CDH2: variants seen among roughly 807,000 people sequenced by gnomAD.
The protein encoded by CDH2 is cadherin 2.
A neutral mutation model predicts 92.0 loss-of-function variants in CDH2; 17 were observed. The observed-to-expected ratio is 0.18, with a 90% confidence interval of 0.13 to 0.28. The LOEUF is 0.28. Among genes scored for constraint, CDH2 ranks in the 10% least tolerant of loss-of-function variants. CDH2 has a pLI of 1.00. For synonymous variants in CDH2, 419 were observed against 415.9 expected, an observed-to-expected ratio of 1.01 and a Z score of -0.09; for missense variants, 862 against 1,133.1, an observed-to-expected ratio of 0.76 and a Z score of 3.44.
chr18:28,176,883 C>T (rs1206806063), intron 1 of CDH2, 80 bp downstream of exon 1: 8 of 811,624 alleles, frequency 9.9e-6, no homozygotes, highest in Non-Finnish European at 1.2e-5. Context: ...CCCGGCCCCG[C>T]AGCGGCGCGG....
At chr18:27,993,474 TTG>T in intron 8 of CDH2, 24 bp downstream of exon 8, 1 of 1,604,008 alleles carries the variant, frequency 6.2e-7, no homozygotes, top group South Asian at 1.1e-5. Context: ...AGACCCAAAG[TTG>T]TGTGAGTGAC....
intron 2 of CDH2, among the ~76,000 whole-genome samples, chr18:28,112,349 C>A (rs2015427075): frequency 6.6e-6 from 1 of 152,078 alleles, no homozygotes; most frequent in African/African-American, 2.4e-5. Flanking sequence ...GATGTCTTGC[C>A]CACAGAATTC....
chr18:28,044,640 TTAAAAA>T (rs2014033689), intron 2 of CDH2, among the ~76,000 whole-genome samples: 1 of 152,138 alleles, frequency 6.6e-6, no homozygotes, highest in South Asian at 2.1e-4. Flanking sequence ...TAAAACACTA[TTAAAAA>T]TAATAATGGA....
In CDH2 at chr18:27,975,334, T is replaced by A. The variant is rs538691877; in HGVS notation, c.2349+7610A>T. Among the ~76,000 whole-genome samples the A allele has an allele frequency of 2.6e-5, 4 of 152,320 alleles. No individual in the cohort carries two copies. In the East Asian group the frequency reaches 7.8e-4, roughly 30 times the overall value. On this transcript the variant is annotated intron_variant, in intron 14 of 15. Transcript: ENST00000269141. The stretch of plus-strand genomic sequence containing the variant: ...CTGTCACAACCTCCTTTGCCCAGCA[T>A]CAGCTTCAGTCTCTCACAAGTTAAC...
chr18:28,073,014 G>A (rs374725278), intron 2 of CDH2, among the ~76,000 whole-genome samples: 4 of 151,784 alleles, frequency 2.6e-5, no homozygotes, highest in South Asian at 2.1e-4. Flanking sequence ...TGTCAATAAT[G>A]TCACATAAAT....
intron 2 of CDH2, among the ~76,000 whole-genome samples, chr18:28,101,840 C>T (rs2015231955): frequency 6.6e-6 from 1 of 152,134 alleles, no homozygotes; most frequent in Admixed American, 6.6e-5. Flanking sequence ...AAAAAAACCA[C>T]TTCACCCTAC....
At chr18:27,972,304 G>A (rs2143915992) in intron 14 of CDH2, among the ~76,000 whole-genome samples, 1 of 152,254 alleles carries the variant, frequency 6.6e-6, no homozygotes, top group East Asian at 1.9e-4. Context: ...CATCTAATAA[G>A]CTGTGGCTAT....
intron 2 of CDH2, among the ~76,000 whole-genome samples, chr18:28,074,759 G>T (rs11564286): frequency 6.8e-6 from 1 of 147,140 alleles, no homozygotes; most frequent in African/African-American, 2.5e-5. Context: ...ATCTGGTTTC[G>T]AGAATTCTTG....
intron 2 of CDH2, among the ~76,000 whole-genome samples, chr18:28,025,874 T>C (rs905381894): frequency 6.6e-5 from 10 of 152,136 alleles, no homozygotes; most frequent in Non-Finnish European, 1.2e-4. Context: ...GTGAATTAAT[T>C]TTTATATATT....
At chr18:27,936,518 GTT>G (rs549278535) in intron 6 of CDH2, among the ~76,000 whole-genome samples, 3 of 151,876 alleles carry the variant, frequency 2.0e-5, no homozygotes, top group African/African-American at 7.2e-5. Flanking sequence ...TTCTTATACT[GTT>G]TTCCCCTCCC....
intron 2 of CDH2, among the ~76,000 whole-genome samples, chr18:28,056,357 G>C (rs1376403706): frequency 2.0e-5 from 3 of 152,080 alleles, no homozygotes; most frequent in African/African-American, 7.2e-5. Context: ...AGGTTTTCTT[G>C]AAGTATTTAT....
chr18:28,033,289 T>G (rs1223152254), intron 2 of CDH2, among the ~76,000 whole-genome samples: 2 of 152,022 alleles, frequency 1.3e-5, no homozygotes, highest in Non-Finnish European at 2.9e-5. Flanking sequence ...AAGGGCAAAT[T>G]TGTTCGGCAA....
chr18:27,946,226 T>G (rs1403894455), downstream of CDH2, among the ~76,000 whole-genome samples: 1 of 152,052 alleles, frequency 6.6e-6, no homozygotes, highest in Non-Finnish European at 1.5e-5. Flanking sequence ...TTAATAGGCT[T>G]GGAGAAATGT....
Position 28,151,569 on chromosome 18 carries a change from C to T in CDH2, c.61-3785G>A, listed in dbSNP as rs569809427. 8.5e-5 allele frequency among the ~76,000 whole-genome samples: 13 copies of T among 152,282 alleles called. 1 individual carries two copies. The highest frequency in any genetic ancestry group is 3.1e-4 in the African/African-American group (13 of 41,544). On this transcript the variant is annotated intron_variant, in intron 1 of 15. Coordinates refer to ENST00000269141, the MANE Select transcript of CDH2 (RefSeq NM_001792.5). ...CTGCTATCGGTATGAGGATCACTGT[C>T]TGCTCAAGTAGCCTCATCACTCTTG... is the stretch of plus-strand genomic sequence containing the variant.
At chr18:28,071,232 TTC>T (rs1285669388) in intron 2 of CDH2, among the ~76,000 whole-genome samples, 2 of 152,220 alleles carry the variant, frequency 1.3e-5, no homozygotes, top group East Asian at 3.9e-4. Flanking sequence ...CTCCCTCCCT[TTC>T]TCTCTCTCTT....
chr18:28,033,573 G>A (rs2144089605), intron 2 of CDH2, among the ~76,000 whole-genome samples: 1 of 152,124 alleles, frequency 6.6e-6, no homozygotes, highest in Admixed American at 6.6e-5. Flanking sequence ...TGTAGGTTTT[G>A]TACAAAGGCT....
At chr18:28,011,480 G>A (rs2013097276) in intron 4 of CDH2, among the ~76,000 whole-genome samples, 1 of 152,108 alleles carries the variant, frequency 6.6e-6, no homozygotes, top group Admixed American at 6.5e-5. Flanking sequence ...TCTGTAGAGG[G>A]CAAAGATCAT....
chr18:27,942,474 A>T (rs1395480721), intron 6 of CDH2, among the ~76,000 whole-genome samples: 1 of 152,176 alleles, frequency 6.6e-6, no homozygotes, highest in Non-Finnish European at 1.5e-5. Context: ...GCAGCCATTA[A>T]AGGGCACAGG....
At chr18:27,980,031 T>A (rs191334608) in intron 14 of CDH2, among the ~76,000 whole-genome samples, 1 of 152,250 alleles carries the variant, frequency 6.6e-6, no homozygotes. Flanking sequence ...AAATAAAGCC[T>A]AACTGAATGA....
Sources: gnomAD v4.1 joint callset for allele counts (sites outside exome capture counted in the v4.1 genomes callset) on GRCh38, gnomAD v4.1.1 for gene constraint, MANE v1.5 for transcripts, NCBI Gene and HGNC (gene_info 2026-07-23, HGNC 2026-07-21) for gene names.